Variants in MRTFB observed in about 807,000 individuals in gnomAD.
MRTFB encodes the protein myocardin-related transcription factor B.
A neutral mutation model predicts 104.2 loss-of-function variants in MRTFB; 29 were observed. The observed-to-expected ratio is 0.28, with a 90% CI of 0.21 to 0.38. The LOEUF is 0.38. Ranked by LOEUF, MRTFB falls within the 10% of genes least tolerant of loss-of-function variation. MRTFB has a pLI of 1.00. For missense variants in MRTFB, 1,270 were observed against 1,341.6 expected (o/e 0.95, Z 0.83); for synonymous variants, 535 against 519.5 (o/e 1.03, Z -0.41).
intron 7 of MRTFB, among the ~76,000 whole-genome samples, chr16:14,218,473 T>G (rs2041529976): frequency 6.6e-6 from 1 of 152,150 alleles, no homozygotes; most frequent in South Asian, 2.1e-4. Flanking sequence ...TCTTTTTTTT[T>G]TCTTATTTGT....
the MRTFB span, among the ~76,000 whole-genome samples, chr16:14,008,938 T>TTTTATTTATTTA: frequency 7.4e-5 from 11 of 148,554 alleles, no homozygotes; most frequent in African/African-American, 9.9e-5. Flanking sequence ...TTTTTTAAAA[T>TTTTATTTATTTA]TTTATGTATT....
At chr16:14,163,432 A>G (rs557510438) in intron 3 of MRTFB, among the ~76,000 whole-genome samples, 67 of 152,356 alleles carry the variant, frequency 4.4e-4, no homozygotes, top group African/African-American at 1.6e-3. Context: ...TTTATATTAC[A>G]TATAAGCCTC....
chr16:14,197,202 G>C (rs1342718628), intron 3 of MRTFB, among the ~76,000 whole-genome samples: 1 of 151,872 alleles, frequency 6.6e-6, no homozygotes. Context: ...TCGAACTCCT[G>C]ACCTCAAGTG....
At chr16:14,135,583 T>C (rs1012675534) in intron 2 of MRTFB, among the ~76,000 whole-genome samples, 1 of 152,256 alleles carries the variant, frequency 6.6e-6, no homozygotes, top group African/African-American at 2.4e-5. Flanking sequence ...AAAGCATTTC[T>C]CAGAGTGTAT....
intron 8 of MRTFB, among the ~76,000 whole-genome samples, chr16:14,221,777 CCTTTT>C (rs1270282895): frequency 9.5e-6 from 1 of 104,756 alleles, no homozygotes; most frequent in Non-Finnish European, 1.9e-5. Flanking sequence ...ATATTTCTTT[CCTTTT>C]TTTTTTTTTT....
At chr16:14,216,781 C>G (rs1374391499) in intron 6 of MRTFB, among the ~76,000 whole-genome samples, 1 of 152,118 alleles carries the variant, frequency 6.6e-6, no homozygotes, top group Non-Finnish European at 1.5e-5. Flanking sequence ...GAACCATGGG[C>G]CACATCCGTC....
intron 8 of MRTFB, among the ~76,000 whole-genome samples, chr16:14,225,517 A>G (rs1325375946): frequency 1.3e-5 from 2 of 152,204 alleles, no homozygotes; most frequent in Non-Finnish European, 2.9e-5. Flanking sequence ...GCATATGCAA[A>G]CCTACCCCCA....
chr16:14,073,374 C>G (rs555784716), intron 1 of MRTFB, among the ~76,000 whole-genome samples: 1 of 152,160 alleles, frequency 6.6e-6, no homozygotes, highest in African/African-American at 2.4e-5. Flanking sequence ...GGGGGCAGTT[C>G]CAGCTCCTTG....
chr16:14,196,068 A>G (rs1337984072), intron 3 of MRTFB, among the ~76,000 whole-genome samples: 1 of 152,250 alleles, frequency 6.6e-6, no homozygotes, highest in African/African-American at 2.4e-5. Context: ...ACATACTGTC[A>G]TATCACAAGA....
intron 3 of MRTFB, among the ~76,000 whole-genome samples, chr16:14,165,832 A>G (rs2039216150): frequency 6.6e-6 from 1 of 152,210 alleles, no homozygotes; most frequent in African/African-American, 2.4e-5. Flanking sequence ...TTACTGTTAC[A>G]TGTATCTTTT....
intron 8 of MRTFB, among the ~76,000 whole-genome samples, chr16:14,231,129 G>A (rs922282951): frequency 6.8e-6 from 1 of 147,394 alleles, no homozygotes; most frequent in African/African-American, 2.5e-5. Context: ...TCTGGGGACT[G>A]TTGTGGGGTA....
At chr16:14,028,695 A>G in the MRTFB span, among the ~76,000 whole-genome samples, 1 of 152,170 alleles carries the variant, frequency 6.6e-6, no homozygotes, top group African/African-American at 2.4e-5. Context: ...GCAACTTCCT[A>G]GTTGTGCGAT....
At chr16:14,229,921 T>TG (rs2042181545) in intron 8 of MRTFB, among the ~76,000 whole-genome samples, 2 of 152,192 alleles carry the variant, frequency 1.3e-5, no homozygotes, top group African/African-American at 4.8e-5. Flanking sequence ...TTTGTTTCTT[T>TG]GGGGAAACAA....
the MRTFB span, among the ~76,000 whole-genome samples, chr16:14,001,842 C>T: frequency 2.6e-5 from 4 of 152,192 alleles, no homozygotes; most frequent in East Asian, 5.8e-4. Context: ...GAACCCACTT[C>T]GCTGAATAGG....
the MRTFB span, among the ~76,000 whole-genome samples, chr16:14,051,571 TAC>T: frequency 6.0e-5 from 9 of 150,688 alleles, no homozygotes; most frequent in South Asian, 4.2e-4. Context: ...CTCATACAAA[TAC>T]ACACACACAC....
At chr16:14,046,470 T>A in the MRTFB span, among the ~76,000 whole-genome samples, 1 of 152,176 alleles carries the variant, frequency 6.6e-6, no homozygotes, top group East Asian at 1.9e-4. Context: ...TGGACACCAG[T>A]TGCAATGCAC....
intron 16 of MRTFB, 99 bp from the exon 17 acceptor site, chr16:14,260,810 G>T: frequency 2.0e-6 from 2 of 1,001,430 alleles, no homozygotes; most frequent in Non-Finnish European, 2.9e-6. Flanking sequence ...GTGCATAGAA[G>T]GAATCGCATA....
In MRTFB at chr16:14,261,163, G is replaced by C. The variant is rs751465351; in HGVS notation, c.3019G>C (p.Glu1007Gln). 40 of 1,614,038 alleles carry C rather than the reference G, an allele frequency of 2.5e-5. No homozygotes were observed. The highest frequency in any genetic ancestry group is 3.4e-5 in the Non-Finnish European group (40 of 1,180,042). Residue 1007 changes from glutamate (E) to glutamine (Q), a missense_variant, in exon 17 of 17, where the codon GAG becomes CAG. Coordinates refer to ENST00000571589, the MANE Select transcript of MRTFB (RefSeq NM_001308142.2). ...ACTACAAAGCAGCAGTGAAGACAGAGAGCCCTTCTCTCTGATCGAGGACCT... is the reference window on the plus strand; with the variant it reads ...ACTACAAAGCAGCAGTGAAGACAGACAGCCCTTCTCTCTGATCGAGGACCT... ...PPLQSSSEDR[E>Q]PFSLIEDLQN... is the part of the protein sequence containing the mutation.
chr16:14,017,692 T>TATAC, the MRTFB span, among the ~76,000 whole-genome samples: 2 of 25,644 alleles, frequency 7.8e-5, 1 homozygote, highest in African/African-American at 1.5e-4. Context: ...TGTGTGTATA[T>TATAC]ATATATATAT....
Sources: allele counts gnomAD v4.1 joint callset (sites outside exome capture counted in the v4.1 genomes callset), GRCh38; gene constraint gnomAD v4.1.1; transcripts MANE v1.5; gene names NCBI Gene and HGNC (gene_info 2026-07-23, HGNC 2026-07-21).